Variants in PCDHA7 observed in about 807,000 individuals in gnomAD.
PCDHA7 encodes the protein protocadherin alpha 7, also known as protocadherin alpha-7.
In PCDHA7, 37 loss-of-function variants were observed where a neutral mutation model predicts 57.2. The observed-to-expected ratio is 0.65, with a 90% CI of 0.50 to 0.85. The LOEUF (loss-of-function observed/expected upper bound fraction) is 0.85. PCDHA7 is among the 40% of genes least tolerant of loss of function. The pLI is 0.00. For missense variants in PCDHA7, 1,188 were observed against 1,241.8 expected (o/e 0.96, Z 0.65); for synonymous variants, 553 against 558.8 (o/e 0.99, Z 0.15).
intron 1 of PCDHA7, among the ~76,000 whole-genome samples, chr5:140,901,673 A>G (rs964267221): frequency 6.6e-6 from 1 of 152,056 alleles, no homozygotes; most frequent in Admixed American, 6.6e-5. Context: ...AGATACCTTT[A>G]GGTATTATGG....
intron 1 of PCDHA7, among the ~76,000 whole-genome samples, chr5:140,962,132 C>A (rs1018234897): frequency 3.3e-5 from 5 of 152,104 alleles, no homozygotes; most frequent in Admixed American, 3.3e-4. Flanking sequence ...GCCTCGGCCT[C>A]CCAAAGTGCT....
chr5:140,844,542 G>T (rs1779426877), intron 1 of PCDHA7, among the ~76,000 whole-genome samples: 1 of 149,020 alleles, frequency 6.7e-6, no homozygotes, highest in Admixed American at 6.7e-5. Flanking sequence ...TCAACCCTTT[G>T]TTCATGAGTT....
chr5:140,977,442 T>C (rs746141638), intron 1 of PCDHA7, among the ~76,000 whole-genome samples: 1 of 152,186 alleles, frequency 6.6e-6, no homozygotes. Flanking sequence ...TAGTAGATAA[T>C]GGAAACTCCT....
intron 1 of PCDHA7, among the ~76,000 whole-genome samples, chr5:140,953,973 C>T (rs958351959): frequency 6.6e-5 from 10 of 152,036 alleles, no homozygotes; most frequent in Non-Finnish European, 1.3e-4. Context: ...GTGTGTTGTT[C>T]CCCTTCATAT....
chr5:140,912,260 C>T (rs1451576363), intron 1 of PCDHA7, among the ~76,000 whole-genome samples: 2 of 152,160 alleles, frequency 1.3e-5, no homozygotes, highest in African/African-American at 4.8e-5. Context: ...TTTGATGACA[C>T]CCTCACAGAT....
intron 3 of PCDHA7, among the ~76,000 whole-genome samples, chr5:140,984,356 A>G (rs556586072): frequency 1.3e-5 from 2 of 152,362 alleles, no homozygotes; most frequent in African/African-American, 4.8e-5. Flanking sequence ...GATATTTCAT[A>G]CATCTGGCCA....
chr5:140,849,800 G>A, intron 1 of PCDHA7: 1 of 1,598,514 alleles, frequency 6.3e-7, no homozygotes, highest in African/African-American at 1.3e-5. Context: ...CGCCTTCACT[G>A]TGGGCCACGG....
chr5:140,840,466 GA>G (rs1437406767), intron 1 of PCDHA7, among the ~76,000 whole-genome samples: 3 of 151,870 alleles, frequency 2.0e-5, no homozygotes, highest in Non-Finnish European at 2.9e-5. Context: ...AAAAGTTGGG[GA>G]AAAAAGTTTA....
At chr5:140,841,566 G>A (rs2150318318) in intron 1 of PCDHA7, 14 of 1,613,814 alleles carry the variant, frequency 8.7e-6, no homozygotes, top group African/African-American at 4.0e-5. Context: ...CTGCAGAATG[G>A]CATTTTGTTT....
intron 1 of PCDHA7, chr5:140,861,441 C>A: frequency 2.0e-6 from 1 of 493,506 alleles, no homozygotes; most frequent in Non-Finnish European, 4.2e-6. Context: ...TTCCAAAAGC[C>A]GCAGAAACCT....
At chr5:140,983,437 A>C (rs1046174445) in intron 3 of PCDHA7, among the ~76,000 whole-genome samples, 1 of 152,202 alleles carries the variant, frequency 6.6e-6, no homozygotes, top group African/African-American at 2.4e-5. Flanking sequence ...AATTGTGTCT[A>C]CTCTAATCCT....
intron 1 of PCDHA7, among the ~76,000 whole-genome samples, chr5:140,917,241 C>G (rs1383271236): frequency 6.7e-6 from 1 of 150,002 alleles, no homozygotes; most frequent in Non-Finnish European, 1.5e-5. Context: ...AATCTAGGTA[C>G]TACGATTGCT....
At chr5:140,893,434 C>G (rs1554185617) in intron 1 of PCDHA7, among the ~76,000 whole-genome samples, 1 of 152,042 alleles carries the variant, frequency 6.6e-6, no homozygotes, top group African/African-American at 2.4e-5. Context: ...AGGAAGATCG[C>G]TTGAAGCCAG....
intron 1 of PCDHA7, chr5:140,927,414 A>T: frequency 6.2e-7 from 1 of 1,614,114 alleles, no homozygotes; most frequent in South Asian, 1.1e-5. Context: ...TGGACATGGG[A>T]TCGCGGGTTG....
intron 3 of PCDHA7, among the ~76,000 whole-genome samples, chr5:140,993,609 T>C (rs1554253871): frequency 6.6e-6 from 1 of 152,078 alleles, no homozygotes; most frequent in African/African-American, 2.4e-5. Flanking sequence ...GAGAATTTTG[T>C]TGGGACCCTC....
chr5:140,917,449 C>G (rs1290889939), intron 1 of PCDHA7, among the ~76,000 whole-genome samples: 1 of 152,006 alleles, frequency 6.6e-6, no homozygotes, highest in Admixed American at 6.6e-5. Context: ...GCTGCAAGAG[C>G]GTTTGGCATC....
At chr5:140,999,858 C>G (rs1563644401) in intron 3 of PCDHA7, among the ~76,000 whole-genome samples, 3 of 152,170 alleles carry the variant, frequency 2.0e-5, no homozygotes. Context: ...CTCTTCCGCT[C>G]CAAGATTACT....
intron 1 of PCDHA7, chr5:140,877,976 C>T: frequency 8.0e-7 from 1 of 1,255,054 alleles, no homozygotes. Flanking sequence ...GTCATTCTTA[C>T]TCATTTTGAA....
At chr5:140,997,702 T>C (rs548432387) in intron 3 of PCDHA7, among the ~76,000 whole-genome samples, 1 of 150,740 alleles carries the variant, frequency 6.6e-6, no homozygotes, top group Non-Finnish European at 1.5e-5. Context: ...GTGTGTATGT[T>C]AACAAACACC....
Sources: gnomAD v4.1 joint callset for allele counts (sites outside exome capture counted in the v4.1 genomes callset) on GRCh38, gnomAD v4.1.1 for gene constraint, MANE v1.5 for transcripts, NCBI Gene and HGNC (gene_info 2026-07-23, HGNC 2026-07-21) for gene names.